The following OPRM1 variants were observed in gnomAD, a reference collection of about 807,000 sequenced individuals.
The protein encoded by OPRM1 is mu-type opioid receptor.
A neutral mutation model predicts 31.8 loss-of-function variants in OPRM1; 27 were observed. The ratio of observed to expected loss-of-function variants is 0.85; its 90% confidence interval spans 0.63 to 1.17. The LOEUF is 1.17. OPRM1 is among the 50% of genes most tolerant of loss of function. OPRM1 has a pLI of 0.00. For synonymous variants in OPRM1, 196 were observed against 189.9 expected (o/e 1.03, Z -0.26); for missense variants, 536 against 511.1 (o/e 1.05, Z -0.47).
intron 1 of OPRM1, among the ~76,000 whole-genome samples, chr6:154,065,117 G>T (rs1219401438): frequency 6.6e-6 from 1 of 151,398 alleles, no homozygotes; most frequent in African/African-American, 2.4e-5. Flanking sequence ...CCATGAACAT[G>T]GGATGCCTTT....
At chr6:154,087,129 C>CA (rs775271590) in intron 1 of OPRM1, 10 of 983,898 alleles carry the variant, frequency 1.0e-5, no homozygotes, top group Non-Finnish European at 1.1e-5. Context: ...AAAGTAAGTC[C>CA]AAAAAAAAGC....
At chr6:154,146,031 A>C (rs910838562) in intron 3 of OPRM1, among the ~76,000 whole-genome samples, 1 of 152,236 alleles carries the variant, frequency 6.6e-6, no homozygotes, top group Non-Finnish European at 1.5e-5. Context: ...ACAAGAAGGC[A>C]ATATTTGCAT....
intron 3 of OPRM1, among the ~76,000 whole-genome samples, chr6:154,231,637 G>T (rs1005682324): frequency 2.6e-5 from 4 of 152,218 alleles, no homozygotes; most frequent in Admixed American, 2.6e-4. Context: ...TGCTAATTTT[G>T]TGTAAGAAAG....
At chr6:154,246,019 C>T (rs1781007961) in intron 3 of OPRM1, among the ~76,000 whole-genome samples, 1 of 152,154 alleles carries the variant, frequency 6.6e-6, no homozygotes, top group African/African-American at 2.4e-5. Context: ...AATGCCATCA[C>T]AGAGCACACC....
intron 3 of OPRM1, among the ~76,000 whole-genome samples, chr6:154,109,925 A>T (rs114826978): frequency 0.019 from 2,896 of 152,102 alleles, 100 homozygotes; most frequent in African/African-American, 0.064. Flanking sequence ...ACCTTATAAC[A>T]TCTCACAGAA....
intron 3 of OPRM1, among the ~76,000 whole-genome samples, chr6:154,188,426 T>A (rs1025745801): frequency 1.3e-5 from 2 of 152,238 alleles, no homozygotes; most frequent in African/African-American, 4.8e-5. Context: ...CGATTTCTGT[T>A]TCCCCCAGAT....
chr6:154,038,122 G>C (rs1305507021), upstream of OPRM1, among the ~76,000 whole-genome samples: 1 of 152,080 alleles, frequency 6.6e-6, no homozygotes, highest in Non-Finnish European at 1.5e-5. Flanking sequence ...TGAGTTATCT[G>C]TTTCTAAGAT....
At chr6:154,064,100 A>T (rs941576970) in intron 1 of OPRM1, among the ~76,000 whole-genome samples, 8 of 152,060 alleles carry the variant, frequency 5.3e-5, no homozygotes, top group Non-Finnish European at 1.0e-4. Flanking sequence ...AACAGTCCAT[A>T]AGGGTCCTAT....
chr6:154,110,676 C>G (rs1359848320), intron 3 of OPRM1, among the ~76,000 whole-genome samples: 3 of 151,968 alleles, frequency 2.0e-5, no homozygotes, highest in Non-Finnish European at 2.9e-5. Flanking sequence ...ATCACGAGGT[C>G]AGGAAATCGA....
At chr6:154,185,732 G>A (rs1257276160) in intron 3 of OPRM1, among the ~76,000 whole-genome samples, 1 of 151,912 alleles carries the variant, frequency 6.6e-6, no homozygotes, top group Admixed American at 6.6e-5. Context: ...AACTGTCTTG[G>A]GCTACACATA....
At chr6:154,219,196 G>C (rs1488792930) in intron 3 of OPRM1, 1 of 151,880 alleles carries the variant, frequency 6.6e-6, no homozygotes, top group Non-Finnish European at 1.5e-5. Flanking sequence ...ACATGGAAGG[G>C]TCTCACACTT....
chr6:154,080,182 G>T (rs1386141576), intron 1 of OPRM1, among the ~76,000 whole-genome samples: 2 of 152,112 alleles, frequency 1.3e-5, no homozygotes, highest in Non-Finnish European at 2.9e-5. Flanking sequence ...TGAGCTATAA[G>T]ATTTATCAGG....
intron 3 of OPRM1, among the ~76,000 whole-genome samples, chr6:154,147,441 T>C: frequency 6.6e-6 from 1 of 152,186 alleles, no homozygotes; most frequent in Non-Finnish European, 1.5e-5. Context: ...AGATTTTCCT[T>C]CACTTGCGTT....
At chr6:154,093,527 A>G (rs1396350223) in intron 3 of OPRM1, 5 of 1,577,460 alleles carry the variant, frequency 3.2e-6, no homozygotes, top group Non-Finnish European at 4.3e-6. Context: ...TGGCTATTGT[A>G]CAGCCAGATA....
intron 3 of OPRM1, among the ~76,000 whole-genome samples, chr6:154,095,676 G>GA (rs911905584): frequency 1.3e-5 from 2 of 152,076 alleles, no homozygotes; most frequent in African/African-American, 4.8e-5. Context: ...AGCTGAGTAT[G>GA]AAAAAACAAA....
chr6:154,055,315 G>A lies in OPRM1; in HGVS notation c.290+15481G>A, dbSNP rs1294406661. 3.9e-5 allele frequency among the ~76,000 whole-genome samples: 6 copies of A among 152,104 alleles called. No individual in the cohort carries two copies. The East Asian group carries it at 1.2e-3, about 29-fold the overall frequency. On this transcript the variant is annotated intron_variant, in intron 1 of 3. Transcript: ENST00000330432. ...AGGCAGGAGAATCGCTTGAACCTGA[G>A]AGGTGAAGGTTGCAGTGTGCCAAGA...
intron 3 of OPRM1, among the ~76,000 whole-genome samples, chr6:154,197,438 T>G (rs568363342): frequency 1.3e-5 from 2 of 152,304 alleles, no homozygotes; most frequent in Non-Finnish European, 2.9e-5. Context: ...TCAGCAAAAA[T>G]TCTGTAGCAT....
intron 1 of OPRM1, among the ~76,000 whole-genome samples, chr6:154,018,372 A>C (rs1778135164): frequency 6.6e-6 from 1 of 152,184 alleles, no homozygotes; most frequent in Non-Finnish European, 1.5e-5. Flanking sequence ...GTGAGCTGAG[A>C]TCAGGCCACT....
chr6:154,133,002 C>T (rs1285741268), downstream of OPRM1, among the ~76,000 whole-genome samples: 1 of 151,812 alleles, frequency 6.6e-6, no homozygotes, highest in Non-Finnish European at 1.5e-5. Flanking sequence ...GCACCTGTAG[C>T]CCCAGCTACT....
Sources: allele counts gnomAD v4.1 joint callset (sites outside exome capture counted in the v4.1 genomes callset), GRCh38; gene constraint gnomAD v4.1.1; transcripts MANE v1.5; gene names NCBI Gene and HGNC (gene_info 2026-07-23, HGNC 2026-07-21).